Variants in MEGF8 observed in about 807,000 individuals in gnomAD.
MEGF8 encodes the protein multiple epidermal growth factor-like domains protein 8.
A neutral mutation model predicts 302.9 loss-of-function variants in MEGF8; 156 were observed. The observed-to-expected ratio is 0.52, with a 90% CI of 0.45 to 0.59. The LOEUF is 0.59. Among genes scored for constraint, MEGF8 ranks in the 20% least tolerant of loss-of-function variants. The pLI, the probability that MEGF8 is intolerant of heterozygous loss-of-function variation, is 0.00. For synonymous variants in MEGF8, 1,621 were observed against 1,660.5 expected (o/e 0.98, Z 0.58); for missense variants, 3,345 against 3,964.5 (o/e 0.84, Z 4.20).
intron 9 of MEGF8, 25 bp from the exon 10 acceptor site, chr19:42,343,929 C>G (rs376393335): frequency 6.8e-6 from 11 of 1,608,970 alleles, no homozygotes; most frequent in East Asian, 2.2e-5. Context: ...CTTGCCTCCC[C>G]CTCTGTCCCC....
rs138359626 is a variant in MEGF8, at chr19:42,343,581, T to A, written c.1618T>A (p.Leu540Met). The part of the protein sequence containing the change: ...GGYSGRPRGD[L>M]MAYKVPPFVF... ...GTACAGCGGCCGGCCCCGTGGGGAC[T>A]TGATGGCGTACAAGGTGCCCCCCTT... Residue 540 changes from leucine (L) to methionine (M), a missense_variant, in exon 9 of 42, where the codon TTG becomes ATG. Physicochemically the swap from Leu to Met is conservative, Grantham distance 15. Coordinates refer to ENST00000251268, the MANE Select transcript of MEGF8 (RefSeq NM_001271938.2). The A allele has an allele frequency of 1.2e-5, 19 of 1,612,986 alleles. No individual in the cohort carries two copies. Among genetic ancestry groups the A allele is most frequent in the Non-Finnish European group, 4.2e-6 (5 of 1,179,628 alleles).
rs1299943165 is a variant in MEGF8 at position 42,343,512 on chromosome 19, G to A, written c.1549G>A (p.Val517Ile). The A allele has an allele frequency of 6.2e-7, 1 of 1,613,088 alleles. No individual in the cohort carries two copies. The highest frequency in any genetic ancestry group is 8.5e-7 in the Non-Finnish European group (1 of 1,179,366). The change falls in exon 9 of 42, where the codon GTA (valine) becomes ATA (isoleucine). Residue 517 changes from valine to isoleucine, a missense_variant. Physicochemically the swap from Val to Ile is conservative, Grantham distance 29. Transcript: ENST00000251268. Reference protein sequence around the residue: ...AAPPSGRYSHVAAVLGGSVLL... With the variant: ...AAPPSGRYSHIAAVLGGSVLL... ...GCCTCCCAGTGGTCGGTACTCACAT[G>A]TAGCTGCGGTGCTTGGTGGCAGCGT... is the stretch of plus-strand genomic sequence containing the variant.
At chr19:42,373,057 C>G (rs940249091) in intron 41 of MEGF8, among the ~76,000 whole-genome samples, 10 of 152,012 alleles carry the variant, frequency 6.6e-5, no homozygotes, top group African/African-American at 2.4e-4. Flanking sequence ...TCCTCCTCTA[C>G]CAGGTCTGTT....
Position 42,351,097 on chromosome 19 carries a change from G to T in MEGF8, c.2737-119G>T. The T allele has an allele frequency of 1.2e-6, 1 of 868,584 alleles. No individual in the cohort carries two copies. The highest frequency in any genetic ancestry group is 1.8e-6 in the Non-Finnish European group (1 of 562,588). The allele number at this position is 868,584 out of a possible 1,614,324, so 53.8% of individuals were successfully genotyped here. ...GGGGTCCAGAGACGCAGGCAGCTGG[G>T]GAGGGAGATGGCCTTACAGGGACAG... is the stretch of plus-strand genomic sequence containing the variant. On this transcript the variant is annotated intron_variant, in intron 15 of 41. Coordinates refer to ENST00000251268, the MANE Select transcript of MEGF8 (RefSeq NM_001271938.2). The surrounding 1 kb of genome is among the most constrained non-coding windows in gnomAD (Gnocchi z 5.6).
Position 42,326,258 on chromosome 19 carries a change from G to T in MEGF8, c.15G>T (p.Lys5Asn). ...AGGAGGCGGCGATGGCCCTGGGCAAGGTTCTGGCCATGGCACTGGTTTTGG... is the reference window on the plus strand; with the variant it reads ...AGGAGGCGGCGATGGCCCTGGGCAATGTTCTGGCCATGGCACTGGTTTTGG... Reference protein sequence around the residue: MALGKVLAMALVLAL... With the variant: MALGNVLAMALVLAL... The change falls in exon 1 of 42, where the codon AAG becomes AAT. Residue 5 changes from lysine (K) to asparagine (N), a missense_variant. By Grantham distance (94) the Lys-to-Asn change is moderately conservative. Transcript: ENST00000251268. 1 of 1,540,576 alleles carries T rather than the reference G, an allele frequency of 6.5e-7. No homozygotes were observed.
chr19:42,343,432 G>A (rs1477694361), intron 8 of MEGF8, 45 bp from the exon 9 acceptor site: 20 of 1,537,302 alleles, frequency 1.3e-5, no homozygotes, highest in Non-Finnish European at 1.6e-5. Flanking sequence ...AGGTGGTGGA[G>A]GGGCTGGGGG....
Position 42,351,243 on chromosome 19 carries a change from A to G in MEGF8, c.2764A>G (p.Thr922Ala). The stretch of plus-strand genomic sequence containing the variant: ...CCCCTTCTGTGAGTGGCATCAGAGC[A>G]CCAGCCGCAAAGGGGACGCGGCATG... Reference protein sequence around the residue: ...QDPFCEWHQSTSRKGDAACSR... With the variant: ...QDPFCEWHQSASRKGDAACSR... The change falls in exon 16 of 42, where the codon ACC becomes GCC. Residue 922 changes from threonine (T) to alanine (A), a missense_variant. Coordinates refer to ENST00000251268, the MANE Select transcript of MEGF8 (RefSeq NM_001271938.2). This position sits in a 1 kb window ranked among gnomAD's most constrained non-coding sequence, Gnocchi z 5.6. 1 of 1,564,346 alleles carries G rather than the reference A, an allele frequency of 6.4e-7. No homozygotes were observed. Among genetic ancestry groups the G allele is most frequent in the African/African-American group, 1.4e-5 (1 of 73,888 alleles).
Position 42,336,162 on chromosome 19 carries a change from A to G in MEGF8, c.1060A>G (p.Thr354Ala), listed in dbSNP as rs2039125021. 3 of 1,610,652 alleles carry G rather than the reference A, an allele frequency of 1.9e-6. No homozygotes were observed. The East Asian group carries it at 6.7e-5, about 36-fold the overall frequency. Residue 354 changes from threonine (T) to alanine (A), a missense_variant, in exon 6 of 42, where the codon ACC (threonine) becomes GCC (alanine). Physicochemically the swap from Thr to Ala is moderately conservative, Grantham distance 58 (BLOSUM62 0). Transcript: ENST00000251268. This position sits in a 1 kb window ranked among gnomAD's most constrained non-coding sequence, Gnocchi z 4.8. ...CTGGCTATATGTGTCTGGAGGCCGC[A>G]CCCCGCACGACCTCTTCTCCTCTGG... ...DVWLYVSGGR[T>A]PHDLFSSGLF...
At chr19:42,327,874 C>T (rs867324817) in intron 1 of MEGF8, among the ~76,000 whole-genome samples, 1 of 152,194 alleles carries the variant, frequency 6.6e-6, no homozygotes, top group South Asian at 2.1e-4. Context: ...GCCGGCAGAT[C>T]GCCTGAAGTC....
intron 13 of MEGF8, 30 bp downstream of exon 13, chr19:42,348,502 G>A: frequency 1.3e-6 from 2 of 1,488,610 alleles, no homozygotes; most frequent in Non-Finnish European, 1.8e-6. Flanking sequence ...TCAGGGGGTT[G>A]TTTATGGTAA....
chr19:42,358,255 T>C lies in MEGF8; in HGVS notation c.5123T>C (p.Leu1708Pro). The change falls in exon 29 of 42, where the codon CTG becomes CCG. Residue 1708 changes from leucine to proline, a missense_variant. Transcript: ENST00000251268. The surrounding 1 kb of genome is among the most constrained non-coding windows in gnomAD (Gnocchi z 4.4). The stretch of plus-strand genomic sequence containing the variant: ...GCCCCATCCCCCGAGCTCTACTCCC[T>C]GCACTGTCCTGACCGCACCTGGAGT... Reference protein sequence around the residue: ...LAAPSPELYSLHCPDRTWSLL... With the variant: ...LAAPSPELYSPHCPDRTWSLL... The C allele has an allele frequency of 6.2e-7, 1 of 1,605,400 alleles. No individual in the cohort carries two copies. The highest frequency in any genetic ancestry group is 1.7e-4 in the Middle Eastern group (1 of 6,050).
At chr19:42,363,284 G>A (rs1485970932) in intron 35 of MEGF8, 22 bp downstream of exon 35, 15 of 1,564,168 alleles carry the variant, frequency 9.6e-6, no homozygotes, top group East Asian at 7.1e-5. Flanking sequence ...GGCCAGGACC[G>A]TGCCAGGCAA....
intron 35 of MEGF8, among the ~76,000 whole-genome samples, chr19:42,367,361 T>C (rs1351421683): frequency 1.3e-5 from 2 of 151,410 alleles, no homozygotes; most frequent in Non-Finnish European, 2.9e-5. Context: ...CGATCTCTGC[T>C]CACTGCAAGC....
At chr19:42,372,064 AAC>A (rs2039699422) in intron 41 of MEGF8, among the ~76,000 whole-genome samples, 1 of 149,382 alleles carries the variant, frequency 6.7e-6, no homozygotes. Context: ...CAACAACAAC[AAC>A]AACAACAAAC....
rs1344918782 is a variant in MEGF8, at chr19:42,378,072, C to G, written c.*1297C>G. On this transcript the variant is annotated 3_prime_UTR_variant, in exon 42 of 42. Coordinates refer to ENST00000251268, the MANE Select transcript of MEGF8 (RefSeq NM_001271938.2). ...TGAGGCTTGTGAGGAAGATCAGAGTCTGGTTCTTGACATGAGATGCCCTTC... is the reference window on the plus strand; with the variant it reads ...TGAGGCTTGTGAGGAAGATCAGAGTGTGGTTCTTGACATGAGATGCCCTTC... 1 of 152,128 alleles carries G rather than the reference C, an allele frequency of 6.6e-6. No individual in the cohort carries two copies. The highest frequency in any genetic ancestry group is 2.4e-5 in the African/African-American group (1 of 41,412). The allele number at this position is 152,128 out of a possible 1,614,324, so 9.4% of individuals were successfully genotyped here. A position where few individuals can be genotyped will look rare whatever the true frequency, so the allele number is the denominator to read the frequency against.
In MEGF8 at chr19:42,376,524, C is replaced by A; in HGVS notation, c.8287C>A (p.Leu2763Met). The A allele has an allele frequency of 6.4e-7, 1 of 1,572,920 alleles. No homozygotes were observed. Among genetic ancestry groups the A allele is most frequent in the Non-Finnish European group, 8.6e-7 (1 of 1,162,130 alleles). ...PPAIPATTAG[L>M]RAGPITLEPT... Reference sequence around the variant, plus strand: ...AGCCATCCCCGCCACCACTGCTGGGCTGCGAGCTGGGCCCATCACTCTCGA... The same window carrying A: ...AGCCATCCCCGCCACCACTGCTGGGATGCGAGCTGGGCCCATCACTCTCGA... Residue 2763 changes from leucine (L) to methionine (M), a missense_variant, in exon 42 of 42, where the codon CTG (leucine) becomes ATG (methionine). By Grantham distance (15) the Leu-to-Met change is conservative (BLOSUM62 2). Transcript: ENST00000251268. This position sits in a 1 kb window ranked among gnomAD's most constrained non-coding sequence, Gnocchi z 8.2.
rs200038812 is a variant in MEGF8, at chr19:42,357,377, C to T, written c.4831-27C>T. 234 of 1,608,090 alleles carry T rather than the reference C, an allele frequency of 1.5e-4. 2 individuals carry two copies. The Admixed American group carries it at 3.6e-3, about 25-fold the overall frequency. ...GGTGACCCCTGACCTCTAGCCCCAT[C>T]GGTGACCTTGCCCCTCCATCCCTCA... On this transcript the variant is annotated intron_variant, in intron 27 of 41. Coordinates refer to ENST00000251268, the MANE Select transcript of MEGF8 (RefSeq NM_001271938.2). This position sits in a 1 kb window ranked among gnomAD's most constrained non-coding sequence, Gnocchi z 5.2.
At chr19:42,345,928 T>C (rs1283302481) in intron 12 of MEGF8, among the ~76,000 whole-genome samples, 1 of 152,170 alleles carries the variant, frequency 6.6e-6, no homozygotes, top group African/African-American at 2.4e-5. Context: ...AGACAGAGTC[T>C]CTCTCTCTGT....
Position 42,357,463 on chromosome 19 carries a change from C to G in MEGF8, c.4890C>G (p.Gly1630=), listed in dbSNP as rs148341236. Residue 1630 remains glycine (G), a synonymous_variant, in exon 28 of 42, where the codon GGC becomes GGG. Coordinates refer to ENST00000251268, the MANE Select transcript of MEGF8 (RefSeq NM_001271938.2). The surrounding 1 kb of genome is among the most constrained non-coding windows in gnomAD (Gnocchi z 5.2). ...VAGHTLTARR[G]LSLLLVGGYS... is the part of the protein sequence containing the mutation. ...GTCACACCCTTACTGCCCGCCGAGG[C>G]CTGTCTCTGCTCCTGGTGGGCGGTT... The G allele has an allele frequency of 5.3e-5, 85 of 1,613,692 alleles. No homozygotes were observed. Among genetic ancestry groups the G allele is most frequent in the Non-Finnish European group, 6.7e-5 (79 of 1,179,824 alleles).
Sources: gnomAD v4.1 joint callset for allele counts (sites outside exome capture counted in the v4.1 genomes callset) on GRCh38, gnomAD v4.1.1 for gene constraint, Gnocchi (gnomAD v3.1) non-coding constraint, MANE v1.5 for transcripts, NCBI Gene and HGNC (gene_info 2026-07-23, HGNC 2026-07-21) for gene names.